Variants in OR56A3 observed in about 807,000 individuals in gnomAD.
The protein encoded by OR56A3 is olfactory receptor family 56 subfamily A member 3.
A neutral mutation model predicts 17.5 loss-of-function variants in OR56A3; 23 were observed. The ratio of observed to expected loss-of-function variants is 1.32; its 90% CI spans 0.95 to 1.87. The LOEUF (loss-of-function observed/expected upper bound fraction) is 1.87, where lower values mean the gene tolerates loss of function less well. OR56A3 is among the 40% of genes most tolerant of loss of function. OR56A3 has a pLI of 0.00. For synonymous variants in OR56A3, 175 were observed against 150.6 expected (o/e 1.16, Z -1.19); for missense variants, 366 against 380.1 (o/e 0.96, Z 0.31).
chr11:5,966,441 G>C, the OR56A3 span, among the ~76,000 whole-genome samples: 1 of 151,988 alleles, frequency 6.6e-6, no homozygotes, highest in Non-Finnish European at 1.5e-5. Flanking sequence ...AGAATAATTT[G>C]ATTATCATAG....
chr11:5,987,679 C>T, the OR56A3 span, among the ~76,000 whole-genome samples: 1 of 152,136 alleles, frequency 6.6e-6, no homozygotes, highest in East Asian at 1.9e-4. Context: ...AAACTTGGAA[C>T]CTGTCTTTAC....
the OR56A3 span, among the ~76,000 whole-genome samples, chr11:5,958,516 GTGTA>G: frequency 6.6e-6 from 1 of 152,176 alleles, no homozygotes; most frequent in East Asian, 1.9e-4. Context: ...AAAATGGACA[GTGTA>G]TGTATTTTTC....
At chr11:5,991,224 T>C in the OR56A3 span, among the ~76,000 whole-genome samples, 1 of 152,172 alleles carries the variant, frequency 6.6e-6, no homozygotes, top group Admixed American at 6.5e-5. Context: ...ACGCAATACA[T>C]ATGGTGAGGA....
At chr11:6,006,713 A>C in the OR56A3 span, among the ~76,000 whole-genome samples, 1 of 152,246 alleles carries the variant, frequency 6.6e-6, no homozygotes, top group Non-Finnish European at 1.5e-5. Flanking sequence ...CCATGAAATG[A>C]CTTAGCCTCA....
At chr11:5,972,085 C>T in the OR56A3 span, among the ~76,000 whole-genome samples, 2 of 152,214 alleles carry the variant, frequency 1.3e-5, no homozygotes, top group African/African-American at 4.8e-5. Context: ...GCAATGAGCA[C>T]ATTTCCTCAC....
chr11:6,012,460 T>C, the OR56A3 span, among the ~76,000 whole-genome samples: 1 of 152,166 alleles, frequency 6.6e-6, no homozygotes, highest in African/African-American at 2.4e-5. Context: ...GTCATCCTGT[T>C]GTCTGCAGCT....
chr11:6,019,216 GAAA>G, the OR56A3 span: 2 of 149,100 alleles, frequency 1.3e-5, no homozygotes, highest in African/African-American at 4.9e-5. Context: ...CAACACGACA[GAAA>G]AAAAAAACTA....
At chr11:5,991,735 C>T in the OR56A3 span, among the ~76,000 whole-genome samples, 1 of 152,196 alleles carries the variant, frequency 6.6e-6, no homozygotes, top group Non-Finnish European at 1.5e-5. Context: ...AATTCCTGTG[C>T]ACCAACTTGT....
the OR56A3 span, among the ~76,000 whole-genome samples, chr11:5,964,142 G>A: frequency 2.6e-5 from 4 of 151,792 alleles, no homozygotes; most frequent in Admixed American, 6.6e-5. Context: ...TCGTTTCTGT[G>A]TATTTTATTA....
the OR56A3 span, among the ~76,000 whole-genome samples, chr11:5,997,912 T>C: frequency 0.011 from 1,739 of 152,286 alleles, 29 homozygotes; most frequent in African/African-American, 0.04. Flanking sequence ...AAGTGGAATA[T>C]TTGTTATTAA....
the OR56A3 span, among the ~76,000 whole-genome samples, chr11:6,007,895 G>C: frequency 1.3e-5 from 2 of 152,186 alleles, no homozygotes; most frequent in South Asian, 4.1e-4. Flanking sequence ...AGAGATCCCT[G>C]GGAGTGGCCC....
intron 1 of OR56A3, among the ~76,000 whole-genome samples, chr11:5,944,151 T>C (rs1847855165): frequency 6.6e-6 from 1 of 152,198 alleles, no homozygotes; most frequent in Admixed American, 6.5e-5. Flanking sequence ...CTCCAGTATG[T>C]CTTACTCTCA....
chr11:5,960,554 C>G, the OR56A3 span, among the ~76,000 whole-genome samples: 3 of 152,214 alleles, frequency 2.0e-5, no homozygotes, highest in African/African-American at 7.2e-5. Context: ...GTCTCGCTCA[C>G]TCAGTGCTCA....
At chr11:5,969,157 T>C in the OR56A3 span, among the ~76,000 whole-genome samples, 1 of 152,238 alleles carries the variant, frequency 6.6e-6, no homozygotes, top group African/African-American at 2.4e-5. Flanking sequence ...AATCCAAGCC[T>C]GCACAAGTGC....
the OR56A3 span, chr11:6,003,118 C>G: frequency 1.3e-6 from 2 of 1,582,462 alleles, no homozygotes; most frequent in Non-Finnish European, 1.7e-6. Flanking sequence ...TGTATCTGTC[C>G]CAATAAAGTT....
At chr11:5,955,849 C>T (rs1000018208), downstream of OR56A3, among the ~76,000 whole-genome samples, 1 of 152,218 alleles carries the variant, frequency 6.6e-6, no homozygotes, top group African/African-American at 2.4e-5. Flanking sequence ...GGATAAAGCA[C>T]AGCAAGAATA....
chr11:6,021,969 T>A, the OR56A3 span: 1 of 152,162 alleles, frequency 6.6e-6, no homozygotes, highest in Non-Finnish European at 1.5e-5. Flanking sequence ...AGAATATCAC[T>A]GGTGAAAGAG....
At chr11:6,008,684 A>G in the OR56A3 span, among the ~76,000 whole-genome samples, 3 of 151,968 alleles carry the variant, frequency 2.0e-5, no homozygotes, top group Non-Finnish European at 4.4e-5. Flanking sequence ...ATAAAATTCA[A>G]TTTATTTTTT....
chr11:6,013,575 G>A, the OR56A3 span, among the ~76,000 whole-genome samples: 102,915 of 151,652 alleles, frequency 0.68, 35,226 homozygotes, highest in East Asian at 0.94. Flanking sequence ...CCTGAGTTTT[G>A]CTTGGGCCCA....
Sources: allele counts gnomAD v4.1 joint callset (sites outside exome capture counted in the v4.1 genomes callset), GRCh38; gene constraint gnomAD v4.1.1; transcripts MANE v1.5; gene names NCBI Gene and HGNC (gene_info 2026-07-23, HGNC 2026-07-21).